The following FASTKD1 variants were observed in gnomAD, a reference collection of about 807,000 sequenced individuals.
The protein encoded by FASTKD1 is FAST kinase domains 1, also known as FAST kinase domain-containing protein 1, mitochondrial.
Under a neutral mutation model 90.9 loss-of-function variants are expected in FASTKD1, and 94 were observed. The ratio of observed to expected loss-of-function variants is 1.03; its 90% confidence interval spans 0.88 to 1.23. The LOEUF (loss-of-function observed/expected upper bound fraction) is 1.23. FASTKD1 is among the 50% of genes most tolerant of loss of function. The pLI, the probability that FASTKD1 is intolerant of heterozygous loss-of-function variation, is 0.00. For missense variants in FASTKD1, 945 were observed against 993.5 expected (o/e 0.95, Z 0.66); for synonymous variants, 319 against 345.8 (o/e 0.92, Z 0.86).
intron 5 of FASTKD1, 31 bp from the exon 6 acceptor site, chr2:169,557,328 G>A: frequency 7.8e-7 from 1 of 1,283,272 alleles, no homozygotes; most frequent in Admixed American, 2.4e-5. Context: ...GTTTTTGGTT[G>A]AAAGACTGAA....
chr2:169,562,584 T>C (rs1208820438), intron 4 of FASTKD1, among the ~76,000 whole-genome samples: 1 of 152,148 alleles, frequency 6.6e-6, no homozygotes, highest in Non-Finnish European at 1.5e-5. Flanking sequence ...CATGATATAA[T>C]AATAATACCT....
At chr2:169,536,799 T>C (rs1245669560) in intron 12 of FASTKD1, among the ~76,000 whole-genome samples, 1 of 152,216 alleles carries the variant, frequency 6.6e-6, no homozygotes, top group Non-Finnish European at 1.5e-5. Context: ...AAGCACAGTA[T>C]CTTTGGAAAT....
rs557658819 is a variant in FASTKD1 at position 169,564,952 on chromosome 2, C to CTT, written c.447-1604_447-1603dup. Among the ~76,000 whole-genome samples, 333 of 109,004 alleles carry CTT rather than the reference C, an allele frequency of 3.1e-3. 1 individual carries two copies. Among genetic ancestry groups the CTT allele is most frequent in the Admixed American group, 3.8e-3 (39 of 10,326 alleles). 71.5% of individuals were successfully genotyped at this position (109,004 alleles called of 152,430 possible). A position where few individuals can be genotyped will look rare whatever the true frequency, so the allele number is the denominator to read the frequency against. ...CATTGTGTATATATACCACATTTTT[C>CTT]TTTTTTTTTTTTTTTTTTGAGACGC... On this transcript the variant is annotated intron_variant, in intron 3 of 14. Coordinates refer to ENST00000453153, the MANE Select transcript of FASTKD1 (RefSeq NM_024622.6).
intron 5 of FASTKD1, among the ~76,000 whole-genome samples, chr2:169,558,924 C>A (rs930097679): frequency 6.6e-6 from 1 of 150,842 alleles, no homozygotes; most frequent in African/African-American, 2.4e-5. Flanking sequence ...TTGTTTCCAT[C>A]TTGATATAGT....
intron 3 of FASTKD1, among the ~76,000 whole-genome samples, chr2:169,564,946 A>ATTTTTTTT (rs151140092): frequency 7.6e-6 from 1 of 130,938 alleles, no homozygotes; most frequent in Admixed American, 7.9e-5. Context: ...TATATACCAC[A>ATTTTTTTT]TTTTTCTTTT....
chr2:169,560,627 C>T lies in FASTKD1; in HGVS notation c.731G>A (p.Arg244His), dbSNP rs149861551. The T allele has an allele frequency of 5.6e-6, 9 of 1,612,454 alleles. No homozygotes were observed. Among genetic ancestry groups the T allele is most frequent in the South Asian group, 4.4e-5 (4 of 90,566 alleles). Residue 244 changes from arginine to histidine, a missense_variant, in exon 5 of 15, where the codon CGT (arginine) becomes CAT (histidine). By Grantham distance (29) the Arg-to-His change is conservative (BLOSUM62 0). Coordinates refer to ENST00000453153, the MANE Select transcript of FASTKD1 (RefSeq NM_024622.6). ...ACATCTTTCTAATAGTGGTTGATAACGATATCTAACATTTCGAAGAAACTT... is the reference window on the plus strand; with the variant it reads ...ACATCTTTCTAATAGTGGTTGATAATGATATCTAACATTTCGAAGAAACTT... The part of the protein sequence containing the change: ...IAKFLRNVRY[R>H]YQPLLERCNN...
rs1234046087 is a variant in FASTKD1 at position 169,528,546 on chromosome 2, G to A, written c.*1279C>T. On this transcript the variant is annotated 3_prime_UTR_variant, in exon 15 of 15. Coordinates refer to ENST00000453153, the MANE Select transcript of FASTKD1 (RefSeq NM_024622.6). ...ATTTTATTGAATAAATGTGTTGTAA[G>A]ACAGGGAGAAGCCATTATTCCCTCA... Among the ~76,000 whole-genome samples, 1 of 152,130 alleles carries A rather than the reference G, an allele frequency of 6.6e-6. No individual in the cohort carries two copies. Among genetic ancestry groups the A allele is most frequent in the Non-Finnish European group, 1.5e-5 (1 of 68,024 alleles).
chr2:169,565,511 C>T (rs1417666978), intron 3 of FASTKD1, among the ~76,000 whole-genome samples: 1 of 152,052 alleles, frequency 6.6e-6, no homozygotes, highest in East Asian at 1.9e-4. Context: ...ATCCGCCCGC[C>T]TTGTCCTCCC....
intron 7 of FASTKD1, 59 bp from the exon 8 acceptor site, chr2:169,546,763 A>C: frequency 4.8e-6 from 7 of 1,448,832 alleles, no homozygotes; most frequent in Non-Finnish European, 6.6e-6. Context: ...TATATGTATT[A>C]AAATATGAAT....
rs147182583 is a variant in FASTKD1 at position 169,530,649 on chromosome 2, T to C, written c.2380A>G (p.Met794Val). 13 of 1,610,518 alleles carry C rather than the reference T, an allele frequency of 8.1e-6. No individual in the cohort carries two copies. Among genetic ancestry groups the C allele is most frequent in the African/African-American group, 1.3e-5 (1 of 74,760 alleles). Residue 794 changes from methionine to valine, a missense_variant, in exon 14 of 15, where the codon ATG becomes GTG. Physicochemically the swap from Met to Val is conservative, Grantham distance 21 (BLOSUM62 1). Transcript: ENST00000453153. Reference protein sequence around the residue: ...SKALCRNIPHMKGKSAMKKRH... With the variant: ...SKALCRNIPHVKGKSAMKKRH... ...TTTTTCATAGCAGATTTTCCTTTCA[T>C]GTGAGGGATATTTCTACAAAGTGCT...
At chr2:169,539,653 T>C (rs1684880794) in intron 10 of FASTKD1, among the ~76,000 whole-genome samples, 1 of 151,542 alleles carries the variant, frequency 6.6e-6, no homozygotes, top group Non-Finnish European at 1.5e-5. Flanking sequence ...TGGTCCCAGC[T>C]ACTTGGAAGG....
rs1684922190 is a variant in FASTKD1, at chr2:169,540,640, T to A, written c.1817-461A>T. Among the ~76,000 whole-genome samples the A allele has an allele frequency of 2.0e-5, 3 of 152,220 alleles. No individual in the cohort carries two copies. In the South Asian group the frequency reaches 6.2e-4, roughly 32 times the overall value. Reference sequence around the variant, plus strand: ...CATACCATTCTAAACACTTTAGATATATTAACTCACTTATATCTTATATCA... The same window carrying A: ...CATACCATTCTAAACACTTTAGATAAATTAACTCACTTATATCTTATATCA... On this transcript the variant is annotated intron_variant, in intron 9 of 14. Transcript: ENST00000453153.
Position 169,570,271 on chromosome 2 carries a change from AC to A in FASTKD1, c.378-1020del, listed in dbSNP as rs569499139. Among the ~76,000 whole-genome samples the A allele has an allele frequency of 3.0e-4, 46 of 152,136 alleles. No individual in the cohort carries two copies. The South Asian group carries it at 8.3e-3, about 27-fold the overall frequency. On this transcript the variant is annotated intron_variant, in intron 2 of 14. Transcript: ENST00000453153. ...AACTGCTGAAGCCTTCATTCAGGGA[AC>A]CCAGTTCTTTTGAAGGCTGGATTTC...
At chr2:169,572,260 T>C (rs1684267474) in intron 1 of FASTKD1, 89 bp from the exon 2 acceptor site, 1 of 349,278 alleles carries the variant, frequency 2.9e-6, no homozygotes, top group Non-Finnish European at 5.0e-6. Context: ...ACATTTTTTC[T>C]GCATTAACTA....
chr2:169,546,438 CTG>C lies in FASTKD1; in HGVS notation c.1479_1480del (p.His493GlnfsTer12). ...CTTCCGTAACAGATCCAAACTGTTG[CTG>C]TGTTGTAGTCTCTGACGACCATAGT... On this transcript the variant is annotated frameshift_variant, in exon 8 of 15. Transcript: ENST00000453153. LOFTEE classifies it high-confidence loss of function. The C allele has an allele frequency of 6.2e-7, 1 of 1,614,148 alleles. No homozygotes were observed. The highest frequency in any genetic ancestry group is 8.5e-7 in the Non-Finnish European group (1 of 1,180,024).
In FASTKD1 at chr2:169,568,631, A is replaced by T. The variant is rs1468398494; in HGVS notation, c.446+553T>A. Reference sequence around the variant, plus strand: ...AACATGTCAAGACCCTGTCCATTAAAAAAAAAAAAAAAAAAAAAAAAAAAA... The same window carrying T: ...AACATGTCAAGACCCTGTCCATTAATAAAAAAAAAAAAAAAAAAAAAAAAA... On this transcript the variant is annotated intron_variant, in intron 3 of 14. Transcript: ENST00000453153. Among the ~76,000 whole-genome samples, 5 of 27,628 alleles carry T rather than the reference A, an allele frequency of 1.8e-4. No individual in the cohort carries two copies. The Admixed American group carries it at 2.1e-3, about 12-fold the overall frequency. The allele number at this position is 27,628 out of a possible 152,430, so 18.1% of individuals were successfully genotyped here.
At chr2:169,535,244 G>A (rs1001624216) in intron 12 of FASTKD1, among the ~76,000 whole-genome samples, 1 of 151,974 alleles carries the variant, frequency 6.6e-6, no homozygotes, top group South Asian at 2.1e-4. Context: ...GTGCAGTAGC[G>A]TGACTGTAAC....
chr2:169,538,608 G>A (rs1684831113), intron 10 of FASTKD1, among the ~76,000 whole-genome samples: 1 of 150,680 alleles, frequency 6.6e-6, no homozygotes, highest in Admixed American at 6.6e-5. Flanking sequence ...TCCAGAAGGT[G>A]GGGTTTTGGG....
chr2:169,534,801 T>C (rs1684659578), intron 12 of FASTKD1, among the ~76,000 whole-genome samples: 1 of 152,040 alleles, frequency 6.6e-6, no homozygotes, highest in Admixed American at 6.6e-5. Flanking sequence ...AGGTATTTTG[T>C]TGTAGCAGCA....
Sources: gnomAD v4.1 joint callset for allele counts (sites outside exome capture counted in the v4.1 genomes callset) on GRCh38, gnomAD v4.1.1 for gene constraint, MANE v1.5 for transcripts, NCBI Gene and HGNC (gene_info 2026-07-23, HGNC 2026-07-21) for gene names.